The following VTCN1 variants were observed in gnomAD, a reference collection of about 807,000 sequenced individuals.
VTCN1 encodes V-set domain-containing T-cell activation inhibitor 1.
VTCN1 carries 26 observed loss-of-function variants against 26.5 expected under a neutral mutation model. The observed-to-expected ratio is 0.98, with a 90% CI of 0.72 to 1.36. VTCN1 has a LOEUF of 1.36. Ranked by LOEUF, VTCN1 falls within the 40% of genes most tolerant of loss-of-function variation. VTCN1 has a pLI of 0.00. For missense variants in VTCN1, 298 were observed against 337.7 expected (o/e 0.88, Z 0.92); for synonymous variants, 116 against 130.7 (o/e 0.89, Z 0.77).
chr1:117,186,322 C>A (rs1647941259), intron 1 of VTCN1, among the ~76,000 whole-genome samples: 1 of 152,128 alleles, frequency 6.6e-6, no homozygotes, highest in South Asian at 2.1e-4. Context: ...TGTGGTTGGA[C>A]CCCCAAGGAG....
rs748109732 is a variant in VTCN1, at chr1:117,147,745, T to C, written c.762A>G (p.Leu254=). Residue 254 remains leucine (L), a synonymous_variant, in exon 5 of 6, where the codon CTA becomes CTG. Coordinates refer to ENST00000369458, the MANE Select transcript of VTCN1 (RefSeq NM_024626.4). The surrounding 1 kb of genome is among the most constrained non-coding windows in gnomAD (Gnocchi z 4.6). ...AGACACACAGAGAAGCCTTTGAGTT[T>C]AGCAGCTGTAGGTGACTCCGCCTTT... is the stretch of plus-strand genomic sequence containing the variant. ...EIKRRSHLQL[L]NSKASLCVSS... The C allele has an allele frequency of 5.0e-6, 8 of 1,613,916 alleles. No homozygotes were observed. The highest frequency in any genetic ancestry group is 5.9e-6 in the Non-Finnish European group (7 of 1,179,956).
rs750009072 is a variant in VTCN1 at position 117,156,882 on chromosome 1, C to T, written c.137G>A (p.Gly46Glu). 1.1e-5 allele frequency: 17 copies of T among 1,614,032 alleles called. No individual in the cohort carries two copies. Among genetic ancestry groups the T allele is most frequent in the Admixed American group, 6.7e-5 (4 of 59,996 alleles). The change falls in exon 3 of 6, where the codon GGG becomes GAG. Residue 46 changes from glycine (G) to glutamate (E), a missense_variant. Coordinates refer to ENST00000369458, the MANE Select transcript of VTCN1 (RefSeq NM_024626.4). ...SITVTTVASA[G>E]NIGEDGILSC... Reference sequence around the variant, plus strand: ...CAGGATTCCATCCTCCCCAATGTTCCCAGCTGAGGCGACAGTAGTGACTGT... The same window carrying T: ...CAGGATTCCATCCTCCCCAATGTTCTCAGCTGAGGCGACAGTAGTGACTGT...
At chr1:117,157,817 C>T (rs1652166947) in intron 2 of VTCN1, among the ~76,000 whole-genome samples, 1 of 152,200 alleles carries the variant, frequency 6.6e-6, no homozygotes, top group Non-Finnish European at 1.5e-5. Context: ...CACCTATAAT[C>T]CTGTAAAATC....
rs34957002 is a variant in VTCN1, at chr1:117,210,833, A to G, written c.23T>C (p.Leu8Pro). 0.021 allele frequency: 33,832 copies of G among 1,613,998 alleles called. 418 individuals carry two copies. The highest frequency in any genetic ancestry group is 0.024 in the Non-Finnish European group (28,529 of 1,179,838). MASLGQI[L>P]FWSIISIIII... ...GAAGAGTATATACTACCTCCAGAAGAGGATCTGCCCCAGGGAAGCCATGGC... is the reference window on the plus strand; with the variant it reads ...GAAGAGTATATACTACCTCCAGAAGGGGATCTGCCCCAGGGAAGCCATGGC... Residue 8 changes from leucine (L) to proline (P), a missense_variant, in exon 1 of 6, where the codon CTC (leucine) becomes CCC (proline). Transcript: ENST00000369458.
intron 1 of VTCN1, among the ~76,000 whole-genome samples, chr1:117,206,637 G>C (rs935944853): frequency 2.0e-5 from 3 of 149,274 alleles, no homozygotes; most frequent in African/African-American, 7.4e-5. Context: ...GAACCCTGGT[G>C]AGGGAAACAG....
Position 117,147,813 on chromosome 1 carries a change from T to C in VTCN1, c.725-31A>G. On this transcript the variant is annotated intron_variant, in intron 4 of 5. Transcript: ENST00000369458. This position sits in a 1 kb window ranked among gnomAD's most constrained non-coding sequence, Gnocchi z 4.6. Reference sequence around the variant, plus strand: ...AAGTGAGAGAAAAAGTTTAGGGTCATACAGGAGAAGCTGGATGTCTTCTTC... The same window carrying C: ...AAGTGAGAGAAAAAGTTTAGGGTCACACAGGAGAAGCTGGATGTCTTCTTC... The C allele has an allele frequency of 6.2e-7, 1 of 1,606,712 alleles. No homozygotes were observed. Among genetic ancestry groups the C allele is most frequent in the Non-Finnish European group, 8.5e-7 (1 of 1,177,384 alleles).
chr1:117,198,789 G>A (rs932789458), intron 1 of VTCN1, among the ~76,000 whole-genome samples: 13 of 152,186 alleles, frequency 8.5e-5, no homozygotes, highest in African/African-American at 3.1e-4. Flanking sequence ...GAAATACGGG[G>A]TGATCCATTC....
chr1:117,187,559 C>T (rs1648010667), intron 1 of VTCN1, among the ~76,000 whole-genome samples: 2 of 152,100 alleles, frequency 1.3e-5, no homozygotes, highest in Non-Finnish European at 2.9e-5. Flanking sequence ...TAGCCATATG[C>T]ATCAGAAACT....
At position 117,175,882 on chromosome 1, in the gene VTCN1, C is replaced by T. The variant is rs1038932394; in HGVS notation, c.33-5711G>A. Among the ~76,000 whole-genome samples the T allele has an allele frequency of 2.0e-5, 3 of 151,790 alleles. No individual in the cohort carries two copies. Among genetic ancestry groups the T allele is most frequent in the Non-Finnish European group, 2.9e-5 (2 of 67,954 alleles). On this transcript the variant is annotated intron_variant, in intron 1 of 5. Transcript: ENST00000369458. This position sits in a 1 kb window ranked among gnomAD's most constrained non-coding sequence, Gnocchi z 4.2. ...GCCTCCCAGGTTCAAGCGATTCTCC[C>T]GTCTCAGCTTCCCGAGTAGCTGGGA...
chr1:117,164,115 T>A (rs935965717), intron 2 of VTCN1, among the ~76,000 whole-genome samples: 2 of 151,860 alleles, frequency 1.3e-5, no homozygotes, highest in African/African-American at 4.8e-5. Flanking sequence ...AACCTAAACA[T>A]CCCAGAGAGT....
Position 117,147,733 on chromosome 1 carries a change from A to G in VTCN1, c.774T>C (p.Ala258=). 1 of 1,614,092 alleles carries G rather than the reference A, an allele frequency of 6.2e-7. No individual in the cohort carries two copies. Among genetic ancestry groups the G allele is most frequent in the South Asian group, 1.1e-5 (1 of 91,084 alleles). The change falls in exon 5 of 6, where the codon GCT becomes GCC. Residue 258 remains alanine, a synonymous_variant. Transcript: ENST00000369458. The surrounding 1 kb of genome is among the most constrained non-coding windows in gnomAD (Gnocchi z 4.6). ...CAAAGAAAGAAGAGACACACAGAGA[A>G]GCCTTTGAGTTTAGCAGCTGTAGGT... The part of the protein sequence containing the change: ...RSHLQLLNSK[A]SLCVSSFFAI...
At chr1:117,188,759 C>T (rs1648092649) in intron 1 of VTCN1, among the ~76,000 whole-genome samples, 1 of 152,272 alleles carries the variant, frequency 6.6e-6, no homozygotes, top group South Asian at 2.1e-4. Context: ...CCCCAAGATC[C>T]TTCAGGCCAT....
Position 117,153,290 on chromosome 1 carries a change from G to A in VTCN1, c.525C>T (p.Pro175=). The A allele has an allele frequency of 1.2e-6, 2 of 1,614,066 alleles. No individual in the cohort carries two copies. The highest frequency in any genetic ancestry group is 4.5e-5 in the East Asian group (2 of 44,866). The part of the protein sequence containing the change: ...TLRCEAPRWF[P]QPTVVWASQV... ...GGGATGCCCAGACCACTGTGGGCTG[G>A]GGGAACCATCGGGGAGCCTCACACC... Residue 175 remains proline (P), a synonymous_variant, in exon 4 of 6, where the codon CCC becomes CCT. Coordinates refer to ENST00000369458, the MANE Select transcript of VTCN1 (RefSeq NM_024626.4).
chr1:117,187,645 C>G (rs962576848), intron 1 of VTCN1, among the ~76,000 whole-genome samples: 2 of 152,140 alleles, frequency 1.3e-5, no homozygotes, highest in Non-Finnish European at 2.9e-5. Context: ...TATCTGGTCA[C>G]ACATTTGTGT....
chr1:117,174,664 G>A (rs1647221207), intron 1 of VTCN1, among the ~76,000 whole-genome samples: 1 of 152,200 alleles, frequency 6.6e-6, no homozygotes, highest in Non-Finnish European at 1.5e-5. Flanking sequence ...CTACTCGGGA[G>A]GCTGGGGCAG....
chr1:117,205,676 G>A (rs1649021332), intron 1 of VTCN1, among the ~76,000 whole-genome samples: 1 of 152,192 alleles, frequency 6.6e-6, no homozygotes, highest in Admixed American at 6.5e-5. Flanking sequence ...ACTAGCAAGA[G>A]AATAAGCACA....
intron 3 of VTCN1, 29 bp from the exon 4 acceptor site, chr1:117,153,398 A>G: frequency 6.3e-7 from 1 of 1,582,958 alleles, no homozygotes; most frequent in Non-Finnish European, 8.6e-7. Flanking sequence ...GAAAGGGCAG[A>G]TGCCAAAGTC....
chr1:117,209,228 A>G (rs1649241729), intron 1 of VTCN1, among the ~76,000 whole-genome samples: 1 of 152,150 alleles, frequency 6.6e-6, no homozygotes, highest in Admixed American at 6.5e-5. Context: ...AATTTTGAAC[A>G]CCCACCTCCT....
intron 1 of VTCN1, 110 bp downstream of exon 1, chr1:117,210,714 T>G: frequency 8.3e-7 from 1 of 1,205,790 alleles, no homozygotes; most frequent in Non-Finnish European, 1.2e-6. Flanking sequence ...CTGGATCAGA[T>G]AAAATTACAG....
Sources: gnomAD v4.1 joint callset for allele counts (sites outside exome capture counted in the v4.1 genomes callset) on GRCh38, gnomAD v4.1.1 for gene constraint, Gnocchi (gnomAD v3.1) non-coding constraint, MANE v1.5 for transcripts, NCBI Gene and HGNC (gene_info 2026-07-23, HGNC 2026-07-21) for gene names.